FOXN3: variants seen among roughly 807,000 people sequenced by gnomAD.
The protein encoded by FOXN3 is forkhead box protein N3.
In FOXN3, 7 loss-of-function variants were observed where a neutral mutation model predicts 38.4. The observed-to-expected ratio is 0.18, with a 90% confidence interval of 0.10 to 0.34. The LOEUF is 0.34. Among genes scored for constraint, FOXN3 ranks in the 10% least tolerant of loss-of-function variants. FOXN3 has a pLI of 1.00. For missense variants in FOXN3, 456 were observed against 613.4 expected, an observed-to-expected ratio of 0.74 and a Z score of 2.71; for synonymous variants, 230 against 242.2, an observed-to-expected ratio of 0.95 and a Z score of 0.47.
At chr14:89,267,468 G>A (rs1886019778) in intron 4 of FOXN3, among the ~76,000 whole-genome samples, 1 of 152,162 alleles carries the variant, frequency 6.6e-6, no homozygotes, top group Non-Finnish European at 1.5e-5. Context: ...GGCTGGGGGA[G>A]GGGAAATGGA....
rs183840423 is a variant in FOXN3, at chr14:89,468,328, C to A, written c.-14-55838G>T. Among the ~76,000 whole-genome samples the A allele has an allele frequency of 1.7e-3, 261 of 152,146 alleles. 1 individual carries two copies. The highest frequency in any genetic ancestry group is 4.4e-3 in the Admixed American group (67 of 15,268). ...AATTAGCCAGGCATGGTGGGAGGCA[C>A]CTGTAGTCCCAGCTACTTGGGAGGC... On this transcript the variant is annotated intron_variant, in intron 1 of 6. Transcript: ENST00000345097.
chr14:89,189,765 C>T (rs932526587), intron 4 of FOXN3, among the ~76,000 whole-genome samples: 1 of 152,204 alleles, frequency 6.6e-6, no homozygotes, highest in Non-Finnish European at 1.5e-5. Flanking sequence ...TCAAACTTGA[C>T]ATTGTTGAAG....
At chr14:89,564,755 G>A (rs2139884678) in intron 1 of FOXN3, among the ~76,000 whole-genome samples, 1 of 151,782 alleles carries the variant, frequency 6.6e-6, no homozygotes, top group East Asian at 1.9e-4. Flanking sequence ...TTAAGATGAG[G>A]TCATCCCGGA....
rs1887138628 is a variant in FOXN3 at position 89,162,777 on chromosome 14, G to C, written c.1044C>G (p.Thr348=). 1.9e-6 allele frequency: 3 copies of C among 1,612,880 alleles called. No individual in the cohort carries two copies. The South Asian group carries it at 3.3e-5, about 18-fold the overall frequency. ...CCTCGCTGCCCTCCTGGCTCCCCTT[G>C]GTGGCAAACTCATAGTGGTCGTCGG... ...SSADDHYEFA[T]KGSQEGSEGS... is the part of the protein sequence containing the mutation. Residue 348 remains threonine (T), a synonymous_variant, in exon 6 of 6, where the codon ACC becomes ACG. Transcript: ENST00000557258. The surrounding 1 kb of genome is among the most constrained non-coding windows in gnomAD (Gnocchi z 7.2).
intron 2 of FOXN3, among the ~76,000 whole-genome samples, chr14:89,391,850 A>G (rs1470342742): frequency 2.6e-5 from 4 of 152,164 alleles, no homozygotes; most frequent in African/African-American, 9.7e-5. Flanking sequence ...ACTAAAATGT[A>G]AAAGAAATTA....
intron 4 of FOXN3, among the ~76,000 whole-genome samples, chr14:89,275,832 C>A (rs1305507446): frequency 6.6e-6 from 1 of 152,226 alleles, no homozygotes; most frequent in Non-Finnish European, 1.5e-5. Flanking sequence ...GAACAGCATG[C>A]ATCTCACAGC....
intron 3 of FOXN3, among the ~76,000 whole-genome samples, chr14:89,329,449 T>C (rs1327979309): frequency 1.3e-5 from 2 of 152,222 alleles, no homozygotes; most frequent in African/African-American, 2.4e-5. Context: ...CTGCAGACGT[T>C]TTCCATCACC....
At chr14:89,179,209 A>G (rs747761086) in intron 5 of FOXN3, among the ~76,000 whole-genome samples, 9 of 152,224 alleles carry the variant, frequency 5.9e-5, no homozygotes, top group Non-Finnish European at 1.2e-4. Context: ...AGTAGAAATG[A>G]TAAGTGGTTT....
intron 1 of FOXN3, among the ~76,000 whole-genome samples, chr14:89,519,889 C>T (rs1894283906): frequency 6.6e-6 from 1 of 152,070 alleles, no homozygotes. Flanking sequence ...AATAAGCAAA[C>T]AAACAACACT....
intron 3 of FOXN3, among the ~76,000 whole-genome samples, chr14:89,331,082 T>A (rs1888234070): frequency 1.3e-5 from 2 of 152,248 alleles, no homozygotes; most frequent in Admixed American, 6.5e-5. Flanking sequence ...AACAATTTTT[T>A]AGGTGTACAT....
At chr14:89,562,571 A>G (rs746967684) in intron 1 of FOXN3, among the ~76,000 whole-genome samples, 31 of 151,972 alleles carry the variant, frequency 2.0e-4, no homozygotes, top group Non-Finnish European at 2.9e-4. Context: ...ATCCACTATT[A>G]TTTACATAGC....
intron 3 of FOXN3, among the ~76,000 whole-genome samples, chr14:89,283,883 C>G (rs1287223228): frequency 3.9e-5 from 6 of 152,140 alleles, no homozygotes; most frequent in Non-Finnish European, 7.4e-5. Flanking sequence ...GGTTTTTTGA[C>G]AGAGTCTCGC....
rs200038031 is a variant in FOXN3, at chr14:89,474,977, G to A, written c.-14-62487C>T. ...ATAACAGGCACCCGCCACCACGCCCGGCTAATTTTTGTATTTTTAGTAGAG... is the reference window on the plus strand; with the variant it reads ...ATAACAGGCACCCGCCACCACGCCCAGCTAATTTTTGTATTTTTAGTAGAG... On this transcript the variant is annotated intron_variant, in intron 1 of 6. Coordinates refer to the FOXN3 transcript ENST00000345097. Among the ~76,000 whole-genome samples, 39 of 152,000 alleles carry A rather than the reference G, an allele frequency of 2.6e-4. No homozygotes were observed. The East Asian group carries it at 3.5e-3, about 14-fold the overall frequency.
At chr14:89,422,633 C>T (rs187768045) in intron 1 of FOXN3, among the ~76,000 whole-genome samples, 6 of 152,332 alleles carry the variant, frequency 3.9e-5, no homozygotes, top group South Asian at 4.1e-4. Context: ...CGGCGCCCCT[C>T]GGCTGGAAGA....
At chr14:89,517,354 T>TA (rs57430361) in intron 1 of FOXN3, among the ~76,000 whole-genome samples, 29,308 of 125,362 alleles carry the variant, frequency 0.23, 3,423 homozygotes, top group Non-Finnish European at 0.27. Context: ...GACCCTGTCT[T>TA]AAAAAAAAAA....
intron 1 of FOXN3, among the ~76,000 whole-genome samples, chr14:89,528,459 C>T (rs1251146231): frequency 3.9e-5 from 5 of 128,002 alleles, no homozygotes; most frequent in East Asian, 2.6e-4. Context: ...TGCAATGGCA[C>T]GATCTTGGCT....
chr14:89,505,704 G>A (rs1312535835), intron 1 of FOXN3, among the ~76,000 whole-genome samples: 1 of 152,008 alleles, frequency 6.6e-6, no homozygotes, highest in African/African-American at 2.4e-5. Flanking sequence ...CACCCCGTCT[G>A]GGAAGTGAGG....
At chr14:89,416,326 C>T (rs1267608846) in intron 1 of FOXN3, among the ~76,000 whole-genome samples, 1 of 152,250 alleles carries the variant, frequency 6.6e-6, no homozygotes, top group Non-Finnish European at 1.5e-5. Flanking sequence ...ATGTCATAAA[C>T]CTTTTATTGG....
intron 4 of FOXN3, among the ~76,000 whole-genome samples, chr14:89,227,038 A>C (rs1303760405): frequency 6.6e-6 from 1 of 152,254 alleles, no homozygotes; most frequent in Non-Finnish European, 1.5e-5. Context: ...AGCCCTAGCA[A>C]ACTAACATGC....
Sources: gnomAD v4.1 joint callset for allele counts (sites outside exome capture counted in the v4.1 genomes callset) on GRCh38, gnomAD v4.1.1 for gene constraint, Gnocchi (gnomAD v3.1) non-coding constraint, MANE v1.5 for transcripts, NCBI Gene and HGNC (gene_info 2026-07-23, HGNC 2026-07-21) for gene names.